ANO2: variants seen among roughly 807,000 people sequenced by gnomAD.
The protein encoded by ANO2 is anoctamin-2.
In ANO2, 101 loss-of-function variants were observed where a neutral mutation model predicts 124.2. The observed-to-expected ratio is 0.81, with a 90% CI of 0.69 to 0.96. ANO2 has a LOEUF of 0.96. Among genes scored for constraint, ANO2 ranks in the 40% least tolerant of loss-of-function variants. The pLI, the probability that ANO2 is intolerant of heterozygous loss-of-function variation, is 0.00. For synonymous variants in ANO2, 486 were observed against 482.5 expected, an observed-to-expected ratio of 1.01 and a Z score of -0.09; for missense variants, 1,293 against 1,274.5, an observed-to-expected ratio of 1.01 and a Z score of -0.22.
intron 7 of ANO2, among the ~76,000 whole-genome samples, chr12:5,822,156 C>T (rs1953821156): frequency 6.6e-6 from 1 of 152,188 alleles, no homozygotes; most frequent in Non-Finnish European, 1.5e-5. Flanking sequence ...TGGTTGTGCA[C>T]TTTGCAAGCA....
At position 5,727,908 on chromosome 12, in the gene ANO2, G is replaced by A. The variant is rs996016497; in HGVS notation, c.1545+4612C>T. On this transcript the variant is annotated intron_variant, in intron 14 of 24. Transcript: ENST00000682330. ...TGCAAGCTCTGCCTCCCGGGTTCACGCCATTCTCCTGCCTCAGCCTCCCAA... is the reference window on the plus strand; with the variant it reads ...TGCAAGCTCTGCCTCCCGGGTTCACACCATTCTCCTGCCTCAGCCTCCCAA... Among the ~76,000 whole-genome samples, 18 of 151,790 alleles carry A rather than the reference G, an allele frequency of 1.2e-4. No individual in the cohort carries two copies. The East Asian group carries it at 1.7e-3, about 15-fold the overall frequency.
At chr12:5,933,772 C>G (rs540932573) in intron 1 of ANO2, among the ~76,000 whole-genome samples, 1 of 152,304 alleles carries the variant, frequency 6.6e-6, no homozygotes, top group East Asian at 1.9e-4. Context: ...GATGCTCACT[C>G]TGTGCCTCTG....
chr12:5,857,858 T>C (rs1955153450), intron 3 of ANO2, among the ~76,000 whole-genome samples: 1 of 152,190 alleles, frequency 6.6e-6, no homozygotes, highest in Non-Finnish European at 1.5e-5. Context: ...AAGAATGATA[T>C]CCTGCTATTC....
intron 3 of ANO2, among the ~76,000 whole-genome samples, chr12:5,882,838 T>C (rs563515702): frequency 1.3e-5 from 2 of 152,256 alleles, no homozygotes; most frequent in African/African-American, 4.8e-5. Context: ...CCAGAGGGCA[T>C]TGCATAGACC....
At chr12:5,747,083 G>A (rs371117700) in intron 11 of ANO2, among the ~76,000 whole-genome samples, 10 of 152,178 alleles carry the variant, frequency 6.6e-5, no homozygotes, top group African/African-American at 2.4e-4. Context: ...TGGTTTTGAT[G>A]TTGTGCCGTA....
chr12:5,724,421 C>T (rs1565611035), intron 14 of ANO2, among the ~76,000 whole-genome samples: 1 of 152,184 alleles, frequency 6.6e-6, no homozygotes, highest in Non-Finnish European at 1.5e-5. Context: ...TGGACCATGT[C>T]TCCCTGGGCC....
intron 10 of ANO2, among the ~76,000 whole-genome samples, chr12:5,777,141 G>A (rs1323995987): frequency 1.3e-5 from 2 of 152,210 alleles, no homozygotes; most frequent in African/African-American, 4.8e-5. Context: ...TGAGCTTGGA[G>A]GAAATTTAAA....
At chr12:5,828,414 G>A (rs1954054883) in intron 6 of ANO2, among the ~76,000 whole-genome samples, 1 of 152,204 alleles carries the variant, frequency 6.6e-6, no homozygotes, top group African/African-American at 2.4e-5. Flanking sequence ...ACCTGCTCGG[G>A]GACGCCAGCC....
At chr12:5,893,642 C>G (rs193275297) in intron 3 of ANO2, among the ~76,000 whole-genome samples, 1 of 151,414 alleles carries the variant, frequency 6.6e-6, no homozygotes, top group Non-Finnish European at 1.5e-5. Context: ...CCTCCCCTAG[C>G]CCCCCACCCC....
chr12:5,615,174 C>T lies in ANO2; in HGVS notation c.1928+12G>A, dbSNP rs1392638371. ...CAAATTGCCTTTCTACACATGACAC[C>T]ATTATACTCACCTCCCTTTGAAAAA... On this transcript the variant is annotated intron_variant, in intron 17 of 24. Coordinates refer to ENST00000682330, the MANE Select transcript of ANO2 (RefSeq NM_001364791.2). 2 of 1,608,148 alleles carry T rather than the reference C, an allele frequency of 1.2e-6. No homozygotes were observed. The highest frequency in any genetic ancestry group is 8.5e-7 in the Non-Finnish European group (1 of 1,176,234).
intron 13 of ANO2, among the ~76,000 whole-genome samples, chr12:5,734,271 CAATT>C (rs1173152911): frequency 2.0e-5 from 3 of 152,254 alleles, no homozygotes; most frequent in Non-Finnish European, 2.9e-5. Flanking sequence ...TTGCCTGTAA[CAATT>C]AATAACCTGC....
chr12:5,919,701 T>A (rs929473152), intron 3 of ANO2, among the ~76,000 whole-genome samples: 1 of 150,840 alleles, frequency 6.6e-6, no homozygotes, highest in Non-Finnish European at 1.5e-5. Context: ...GGAAGGTCAT[T>A]TTTTTTTCTT....
At position 5,945,259 on chromosome 12, in the gene ANO2, T is replaced by C. The variant is rs1303884939; in HGVS notation, c.-42A>G. The C allele has an allele frequency of 6.3e-6, 8 of 1,279,046 alleles. No homozygotes were observed. Among genetic ancestry groups the C allele is most frequent in the South Asian group, 5.0e-5 (4 of 79,492 alleles). The allele number at this position is 1,279,046 out of a possible 1,614,324, so 79.2% of individuals were successfully genotyped here. A position where few individuals can be genotyped will look rare whatever the true frequency, so the allele number is the denominator to read the frequency against. ...CCGCCGGCCCGCGGCCGCGCGCTTCTGGGCAGGCTTATGCCGCCGCGGGGC... is the reference window on the plus strand; with the variant it reads ...CCGCCGGCCCGCGGCCGCGCGCTTCCGGGCAGGCTTATGCCGCCGCGGGGC... On this transcript the variant is annotated 5_prime_UTR_variant, in exon 1 of 25. Coordinates refer to ENST00000682330, the MANE Select transcript of ANO2 (RefSeq NM_001364791.2).
chr12:5,570,255 T>A (rs1283145748), intron 23 of ANO2, among the ~76,000 whole-genome samples: 1 of 152,088 alleles, frequency 6.6e-6, no homozygotes, highest in Non-Finnish European at 1.5e-5. Context: ...ACCTTAAAAG[T>A]CCTACAAGTT....
chr12:5,878,462 G>C (rs1419904256), intron 3 of ANO2, among the ~76,000 whole-genome samples: 1 of 152,190 alleles, frequency 6.6e-6, no homozygotes, highest in East Asian at 1.9e-4. Flanking sequence ...CAATGCCTGG[G>C]TCATAACAAG....
rs373963518 is a variant in ANO2, at chr12:5,575,408, A to G, written c.2621+426T>C. ...GAGCAGGAGACAGAGGGAAAGGAGA[A>G]TGATGTACAGTCGTGTGTTGCTTAA... On this transcript the variant is annotated intron_variant, in intron 23 of 24. Transcript: ENST00000682330. Among the ~76,000 whole-genome samples the G allele has an allele frequency of 2.0e-4, 31 of 152,344 alleles. No individual in the cohort carries two copies. In the South Asian group the frequency reaches 6.2e-3, roughly 31 times the overall value.
chr12:5,724,401 G>A (rs1211621133), intron 14 of ANO2, among the ~76,000 whole-genome samples: 3 of 152,172 alleles, frequency 2.0e-5, no homozygotes, highest in East Asian at 1.9e-4. Flanking sequence ...CGAAGCCTGC[G>A]TGGAAAGCCT....
chr12:5,754,682 T>C lies in ANO2; in HGVS notation c.1056-3712A>G, dbSNP rs939470296. Among the ~76,000 whole-genome samples the C allele has an allele frequency of 5.3e-5, 8 of 152,182 alleles. No homozygotes were observed. In the East Asian group the frequency reaches 7.7e-4, roughly 15 times the overall value. On this transcript the variant is annotated intron_variant, in intron 10 of 24. Coordinates refer to ENST00000682330, the MANE Select transcript of ANO2 (RefSeq NM_001364791.2). ...GATTCAATCTTGTTGATTATATGGT[T>C]CTAAGCATTTATCCATTTATTCTAG... is the stretch of plus-strand genomic sequence containing the variant.
rs1951411742 is a variant in ANO2 at position 5,750,840 on chromosome 12, G to A, written c.1186C>T (p.Pro396Ser). 6.2e-7 allele frequency: 1 copy of A among 1,610,006 alleles called. No homozygotes were observed. The highest frequency in any genetic ancestry group is 8.5e-7 in the Non-Finnish European group (1 of 1,178,810). ...YGCATIEEDIPSREMCDQQNA... is the reference protein window; with the variant it reads ...YGCATIEEDISSREMCDQQNA... ...TTTTCTTTAAAACTGATTTACCTGGGAATATCTTCTTCAATTGTTGCACAT... is the reference window on the plus strand; with the variant it reads ...TTTTCTTTAAAACTGATTTACCTGGAAATATCTTCTTCAATTGTTGCACAT... Residue 396 changes from proline to serine, a missense_variant, in exon 11 of 25, where the codon CCC (proline) becomes TCC (serine). Coordinates refer to ENST00000682330, the MANE Select transcript of ANO2 (RefSeq NM_001364791.2).
Sources: allele counts gnomAD v4.1 joint callset (sites outside exome capture counted in the v4.1 genomes callset), GRCh38; gene constraint gnomAD v4.1.1; transcripts MANE v1.5; gene names NCBI Gene and HGNC (gene_info 2026-07-23, HGNC 2026-07-21).